WNT3: variants seen among roughly 807,000 people sequenced by gnomAD.
WNT3 encodes the protein Wnt family member 3.
In WNT3, 7 loss-of-function variants were observed where a neutral mutation model predicts 34.2. The observed-to-expected ratio is 0.20, with a 90% CI of 0.12 to 0.38. The LOEUF is 0.38. WNT3 is among the 10% of genes least tolerant of loss of function. The pLI is 1.00. For missense variants in WNT3, 267 were observed against 499.8 expected (o/e 0.53, Z 4.44); for synonymous variants, 212 against 211.5 (o/e 1.00, Z -0.02).
At chr17:46,765,889 G>A (rs1255995427) in intron 4 of WNT3, among the ~76,000 whole-genome samples, 1 of 152,248 alleles carries the variant, frequency 6.6e-6, no homozygotes, top group African/African-American at 2.4e-5. Context: ...CAGCGAGGCA[G>A]AAGAGCTGGC....
chr17:46,775,663 G>T (rs141711827), intron 1 of WNT3, among the ~76,000 whole-genome samples: 120 of 149,452 alleles, frequency 8.0e-4, no homozygotes, highest in African/African-American at 2.9e-3. Flanking sequence ...ACCCAGGCTG[G>T]AATGCAGTGA....
chr17:46,787,255 G>A (rs533069649), intron 1 of WNT3, among the ~76,000 whole-genome samples: 161 of 140,834 alleles, frequency 1.1e-3, no homozygotes, highest in African/African-American at 3.7e-3. Context: ...AAGACCTGTT[G>A]AAGAAAAGTC....
chr17:46,788,699 T>C (rs1285049618), intron 1 of WNT3, among the ~76,000 whole-genome samples: 2 of 152,314 alleles, frequency 1.3e-5, no homozygotes, highest in Non-Finnish European at 2.9e-5. Context: ...CTCGTTTCCA[T>C]GTAGAATCTA....
At chr17:46,776,031 A>G (rs936841731) in intron 1 of WNT3, among the ~76,000 whole-genome samples, 4 of 152,236 alleles carry the variant, frequency 2.6e-5, no homozygotes, top group Non-Finnish European at 5.9e-5. Context: ...CCCAGCACAA[A>G]GTAGGGTCAT....
At chr17:46,804,448 T>A (rs1425616665) in intron 1 of WNT3, among the ~76,000 whole-genome samples, 2 of 152,298 alleles carry the variant, frequency 1.3e-5, no homozygotes, top group Admixed American at 1.3e-4. Context: ...AGGGCAGGCA[T>A]GCTGGATTCC....
chr17:46,816,127 A>ACACACGCACG (rs1422460067), intron 1 of WNT3, among the ~76,000 whole-genome samples: 1 of 128,352 alleles, frequency 7.8e-6, no homozygotes, highest in African/African-American at 3.1e-5. Context: ...ACACACACAC[A>ACACACGCACG]CACTCACACA....
At chr17:46,783,422 T>G (rs911312140) in intron 1 of WNT3, among the ~76,000 whole-genome samples, 14 of 152,334 alleles carry the variant, frequency 9.2e-5, no homozygotes, top group Admixed American at 6.5e-4. Context: ...GTGATGACTC[T>G]CAGCCTGGCA....
chr17:46,771,586 C>G (rs1437449877), intron 2 of WNT3, among the ~76,000 whole-genome samples: 1 of 148,036 alleles, frequency 6.8e-6, no homozygotes, highest in Non-Finnish European at 1.5e-5. Context: ...CTGGGCCGCT[C>G]AATCCGCCTT....
chr17:46,776,381 T>C (rs190479015), intron 1 of WNT3, among the ~76,000 whole-genome samples: 1 of 152,298 alleles, frequency 6.6e-6, no homozygotes, highest in East Asian at 1.9e-4. Flanking sequence ...ATCCCTGTGG[T>C]TTATTATGGG....
chr17:46,787,211 G>A (rs908714085), intron 1 of WNT3, among the ~76,000 whole-genome samples: 1 of 149,476 alleles, frequency 6.7e-6, no homozygotes, highest in African/African-American at 2.5e-5. Context: ...CAAGTGCTGG[G>A]ATTACAGGTG....
chr17:46,767,675 A>C (rs570465008), intron 4 of WNT3, among the ~76,000 whole-genome samples: 104 of 152,358 alleles, frequency 6.8e-4, no homozygotes, highest in African/African-American at 2.5e-3. Flanking sequence ...CTCAAGAATG[A>C]CAGCTAGCAG....
At chr17:46,809,533 T>C (rs745453904) in intron 1 of WNT3, among the ~76,000 whole-genome samples, 4 of 152,200 alleles carry the variant, frequency 2.6e-5, no homozygotes, top group Non-Finnish European at 4.4e-5. Flanking sequence ...AGGGAATGGC[T>C]TGTGCCTGTC....
At chr17:46,782,408 G>A (rs1214374618) in intron 1 of WNT3, among the ~76,000 whole-genome samples, 2 of 152,180 alleles carry the variant, frequency 1.3e-5, no homozygotes, top group Non-Finnish European at 1.5e-5. Context: ...CCAGGGCCAG[G>A]TGCTCCACCT....
chr17:46,771,966 G>A (rs985213040), intron 2 of WNT3, among the ~76,000 whole-genome samples: 3 of 148,292 alleles, frequency 2.0e-5, no homozygotes, highest in African/African-American at 4.9e-5. Context: ...TCCGGCCGCC[G>A]ACCCCGCCGC....
intron 1 of WNT3, among the ~76,000 whole-genome samples, chr17:46,801,287 A>G (rs1481128142): frequency 6.6e-6 from 1 of 152,192 alleles, no homozygotes; most frequent in African/African-American, 2.4e-5. Context: ...CAACACAGTC[A>G]TATCTGCTGC....
At chr17:46,788,112 C>T (rs368031340) in intron 1 of WNT3, among the ~76,000 whole-genome samples, 1 of 152,084 alleles carries the variant, frequency 6.6e-6, no homozygotes, top group East Asian at 1.9e-4. Context: ...CAAAGAAGTC[C>T]CCTTCAAAGA....
At chr17:46,802,742 A>G (rs146012318) in intron 1 of WNT3, among the ~76,000 whole-genome samples, 3 of 152,344 alleles carry the variant, frequency 2.0e-5, no homozygotes, top group African/African-American at 7.2e-5. Context: ...CGGATAGCGG[A>G]ACACGTGGAG....
intron 1 of WNT3, among the ~76,000 whole-genome samples, chr17:46,780,645 A>G (rs535435693): frequency 2.6e-5 from 4 of 152,176 alleles, no homozygotes; most frequent in Non-Finnish European, 2.9e-5. Context: ...GCGTGGTGGC[A>G]GGCGCCTGTA....
At chr17:46,815,583 T>C (rs2084330987) in intron 1 of WNT3, among the ~76,000 whole-genome samples, 1 of 151,774 alleles carries the variant, frequency 6.6e-6, no homozygotes, top group Non-Finnish European at 1.5e-5. Context: ...AGAAATGGGA[T>C]CAGGAATCAG....
Sources: allele counts gnomAD v4.1 joint callset (sites outside exome capture counted in the v4.1 genomes callset), GRCh38; gene constraint gnomAD v4.1.1; transcripts MANE v1.5; gene names NCBI Gene and HGNC (gene_info 2026-07-23, HGNC 2026-07-21).